The following FRMPD1 variants were observed in gnomAD, a reference collection of about 807,000 sequenced individuals.
FRMPD1 encodes the protein FERM and PDZ domain containing 1.
In FRMPD1, 76 loss-of-function variants were observed where a neutral mutation model predicts 117.8. The observed-to-expected ratio is 0.65, with a 90% confidence interval of 0.54 to 0.78. FRMPD1 has a LOEUF of 0.78. Among genes scored for constraint, FRMPD1 ranks in the 30% least tolerant of loss-of-function variants. The pLI, the probability that FRMPD1 is intolerant of heterozygous loss-of-function variation, is 0.00. For synonymous variants in FRMPD1, 783 were observed against 770.4 expected, an observed-to-expected ratio of 1.02 and a Z score of -0.27; for missense variants, 1,786 against 1,964.5, an observed-to-expected ratio of 0.91 and a Z score of 1.72.
the FRMPD1 span, among the ~76,000 whole-genome samples, chr9:37,603,835 C>G: frequency 2.0e-5 from 3 of 152,036 alleles, no homozygotes; most frequent in Admixed American, 2.0e-4. Context: ...TGTGCCACCA[C>G]GCCCGGCTAA....
the FRMPD1 span, among the ~76,000 whole-genome samples, chr9:37,618,504 T>A: frequency 6.6e-6 from 1 of 152,150 alleles, no homozygotes; most frequent in African/African-American, 2.4e-5. Flanking sequence ...TTTGGGCACA[T>A]AAATTTCCCA....
intron 12 of FRMPD1, among the ~76,000 whole-genome samples, chr9:37,734,475 G>T (rs1824032130): frequency 1.3e-5 from 2 of 151,804 alleles, no homozygotes; most frequent in Non-Finnish European, 2.9e-5. Context: ...TGGAGCCTAG[G>T]CCTAGAGCTT....
At position 37,727,254 on chromosome 9, in the gene FRMPD1, G is replaced by A. The variant is rs1457756538; in HGVS notation, c.613-2474G>A. 2.6e-5 allele frequency among the ~76,000 whole-genome samples: 4 copies of A among 152,226 alleles called. No homozygotes were observed. In the East Asian group the frequency reaches 5.8e-4, roughly 22 times the overall value. ...GAGAGCATGCCCAGTACAAGGCTTA[G>A]ACAAATTCCTCTAGATCAAGAGTCA... On this transcript the variant is annotated intron_variant, in intron 7 of 15. Transcript: ENST00000377765.
chr9:37,675,319 G>T (rs1191352302), intron 1 of FRMPD1, among the ~76,000 whole-genome samples: 2 of 152,014 alleles, frequency 1.3e-5, no homozygotes, highest in African/African-American at 4.8e-5. Context: ...TACTCGGGTG[G>T]CTGAGGCACA....
intron 1 of FRMPD1, among the ~76,000 whole-genome samples, chr9:37,686,572 A>AT (rs536620861): frequency 9.3e-4 from 141 of 152,328 alleles, no homozygotes; most frequent in African/African-American, 3.2e-3. Context: ...AGCACTTTTA[A>AT]TGGCTTGGTT....
chr9:37,623,142 G>A, the FRMPD1 span, among the ~76,000 whole-genome samples: 7 of 152,226 alleles, frequency 4.6e-5, no homozygotes, highest in Admixed American at 2.6e-4. Flanking sequence ...TAGACACTGT[G>A]TTAGGTGCTG....
intron 1 of FRMPD1, among the ~76,000 whole-genome samples, chr9:37,671,523 C>T (rs1821351149): frequency 1.3e-5 from 2 of 152,038 alleles, no homozygotes; most frequent in Non-Finnish European, 2.9e-5. Context: ...CGGCCCTGCT[C>T]AATGTGGAAC....
At chr9:37,638,050 C>CTTTCTTTCTTT in the FRMPD1 span, among the ~76,000 whole-genome samples, 4 of 76,082 alleles carry the variant, frequency 5.3e-5, no homozygotes, top group Non-Finnish European at 1.1e-4. Flanking sequence ...TTCTTTCTTT[C>CTTTCTTTCTTT]CTTTCTTTCT....
chr9:37,671,823 G>A (rs970972249), intron 1 of FRMPD1, among the ~76,000 whole-genome samples: 11 of 152,104 alleles, frequency 7.2e-5, no homozygotes, highest in South Asian at 2.1e-4. Context: ...AAAGTTAGCC[G>A]GGCGTGGTGG....
At chr9:37,648,917 A>T (rs143283562), upstream of FRMPD1, among the ~76,000 whole-genome samples, 1 of 152,204 alleles carries the variant, frequency 6.6e-6, no homozygotes, top group Non-Finnish European at 1.5e-5. Flanking sequence ...CATGCAGCTG[A>T]TAGAATTGCC....
At chr9:37,678,251 CTT>C (rs34040451) in intron 1 of FRMPD1, among the ~76,000 whole-genome samples, 10 of 79,838 alleles carry the variant, frequency 1.3e-4, no homozygotes, top group South Asian at 6.1e-4. Flanking sequence ...GTACTTACCA[CTT>C]TTTTTTTTTT....
the FRMPD1 span, among the ~76,000 whole-genome samples, chr9:37,618,008 G>C: frequency 6.6e-6 from 1 of 152,166 alleles, no homozygotes; most frequent in Admixed American, 6.5e-5. Flanking sequence ...AGGAAAGGGT[G>C]GGGCAGCCCC....
At chr9:37,624,183 G>C in the FRMPD1 span, among the ~76,000 whole-genome samples, 4 of 152,230 alleles carry the variant, frequency 2.6e-5, no homozygotes, top group African/African-American at 9.6e-5. Flanking sequence ...CCACCCAGCA[G>C]GTGCTATAGT....
At chr9:37,693,569 A>G (rs908951429) in intron 2 of FRMPD1, among the ~76,000 whole-genome samples, 2 of 152,304 alleles carry the variant, frequency 1.3e-5, no homozygotes, top group Admixed American at 1.3e-4. Context: ...TGAAACACCT[A>G]AGGCTCATAG....
At chr9:37,658,195 C>T (rs1447051409) in intron 1 of FRMPD1, among the ~76,000 whole-genome samples, 1 of 152,062 alleles carries the variant, frequency 6.6e-6, no homozygotes, top group African/African-American at 2.4e-5. Flanking sequence ...CTGATCAGCC[C>T]AGACAGGAGC....
intron 1 of FRMPD1, among the ~76,000 whole-genome samples, chr9:37,655,187 C>T (rs1345280614): frequency 6.6e-6 from 1 of 152,200 alleles, no homozygotes; most frequent in Non-Finnish European, 1.5e-5. Flanking sequence ...CCCTTGTTCC[C>T]TCCTTACTGA....
chr9:37,627,813 T>C, the FRMPD1 span, among the ~76,000 whole-genome samples: 1 of 152,220 alleles, frequency 6.6e-6, no homozygotes, highest in Non-Finnish European at 1.5e-5. Context: ...TGTGATAAAG[T>C]TGCCAGACTT....
upstream of FRMPD1, among the ~76,000 whole-genome samples, chr9:37,648,578 C>T (rs558553250): frequency 3.9e-5 from 6 of 152,072 alleles, no homozygotes; most frequent in African/African-American, 1.2e-4. Flanking sequence ...GAGGCTCCAA[C>T]GAAAGCAAGG....
At chr9:37,699,724 G>A (rs2118090350) in intron 2 of FRMPD1, among the ~76,000 whole-genome samples, 1 of 152,258 alleles carries the variant, frequency 6.6e-6, no homozygotes, top group South Asian at 2.1e-4. Context: ...TTTCTTCACT[G>A]CTTGGTTGTA....
Sources: gnomAD v4.1 joint callset for allele counts (sites outside exome capture counted in the v4.1 genomes callset) on GRCh38, gnomAD v4.1.1 for gene constraint, MANE v1.5 for transcripts, NCBI Gene and HGNC (gene_info 2026-07-23, HGNC 2026-07-21) for gene names.